The following FHDC1 variants were observed in gnomAD, a reference collection of about 807,000 sequenced individuals.
The protein encoded by FHDC1 is FH2 domain containing 1, also known as FH2 domain-containing protein 1.
In FHDC1, 25 loss-of-function variants were observed where a neutral mutation model predicts 52.6. The observed-to-expected ratio is 0.48, with a 90% CI of 0.35 to 0.66. The LOEUF (loss-of-function observed/expected upper bound fraction) is 0.66, where lower values mean the gene tolerates loss of function less well. Among genes scored for constraint, FHDC1 ranks in the 30% least tolerant of loss-of-function variants. The pLI, the probability that FHDC1 is intolerant of heterozygous loss-of-function variation, is 0.01. For missense variants in FHDC1, 1,459 were observed against 1,452.8 expected (o/e 1.00, Z -0.07); for synonymous variants, 616 against 581.5 (o/e 1.06, Z -0.85).
At chr4:152,937,237 G>A (rs1317217222) in intron 1 of FHDC1, among the ~76,000 whole-genome samples, 1 of 152,194 alleles carries the variant, frequency 6.6e-6, no homozygotes, top group Non-Finnish European at 1.5e-5. Context: ...CGACCTGGAT[G>A]GGGGACGTGG....
At chr4:152,967,711 C>T (rs116310994) in intron 9 of FHDC1, among the ~76,000 whole-genome samples, 148 of 152,254 alleles carry the variant, frequency 9.7e-4, no homozygotes, top group African/African-American at 3.2e-3. Flanking sequence ...TTTATGAAAA[C>T]GTTTGCAGAT....
chr4:152,962,941 GT>G lies in FHDC1; in HGVS notation c.921+58del, dbSNP rs1309079728. ...TGTTTTCAACCTTGTCTATCTAAAGGTGTGTGTGTGTGTGTGTGTGTGTGTG... is the reference window on the plus strand; with the variant it reads ...TGTTTTCAACCTTGTCTATCTAAAGGGTGTGTGTGTGTGTGTGTGTGTGTG... On this transcript the variant is annotated intron_variant, in intron 7 of 11. Transcript: ENST00000511601. The G allele has an allele frequency of 6.7e-5, 34 of 510,810 alleles. No homozygotes were observed. In the Middle Eastern group the frequency reaches 4.4e-3, roughly 66 times the overall value. The allele number at this position is 510,810 out of a possible 1,614,324, so 31.6% of individuals were successfully genotyped here.
intron 1 of FHDC1, among the ~76,000 whole-genome samples, chr4:152,942,395 C>A (rs1410375297): frequency 1.3e-5 from 2 of 152,106 alleles, no homozygotes; most frequent in Admixed American, 6.6e-5. Flanking sequence ...ATATGGTGGC[C>A]CTGATTCCAG....
At position 152,942,955 on chromosome 4, in the gene FHDC1, T is replaced by C; in HGVS notation, c.-103T>C. ...TTGGAAGAGGACAGTTGCCCTTTATTCTGGCGGCAGATAGCAGCAGGTGAA... is the reference window on the plus strand; with the variant it reads ...TTGGAAGAGGACAGTTGCCCTTTATCCTGGCGGCAGATAGCAGCAGGTGAA... On this transcript the variant is annotated 5_prime_UTR_variant, in exon 2 of 12. Transcript: ENST00000511601. The C allele has an allele frequency of 7.7e-7, 1 of 1,303,250 alleles. No homozygotes were observed. Among genetic ancestry groups the C allele is most frequent in the South Asian group, 1.4e-5 (1 of 69,486 alleles). 80.7% of individuals were successfully genotyped at this position (1,303,250 alleles called of 1,614,324 possible).
chr4:152,964,244 A>G (rs1740386379), intron 8 of FHDC1, among the ~76,000 whole-genome samples: 1 of 152,208 alleles, frequency 6.6e-6, no homozygotes, highest in South Asian at 2.1e-4. Context: ...TTATTACTAT[A>G]TTCTTCAGAA....
chr4:152,949,154 G>GAA (rs757459887), intron 2 of FHDC1, among the ~76,000 whole-genome samples: 6 of 150,284 alleles, frequency 4.0e-5, no homozygotes, highest in African/African-American at 1.2e-4. Flanking sequence ...AGAAGAAGAA[G>GAA]AAGAAGAAGA....
chr4:152,953,111 G>A (rs976380511), intron 2 of FHDC1, among the ~76,000 whole-genome samples: 2 of 151,898 alleles, frequency 1.3e-5, no homozygotes, highest in South Asian at 4.2e-4. Flanking sequence ...TCCAGCCTGG[G>A]CAACGGAGCG....
Position 152,943,427 on chromosome 4 carries a change from G to A in FHDC1, c.370G>A (p.Glu124Lys). 1 of 1,614,142 alleles carries A rather than the reference G, an allele frequency of 6.2e-7. No individual in the cohort carries two copies. Among genetic ancestry groups the A allele is most frequent in the South Asian group, 1.1e-5 (1 of 91,072 alleles). Residue 124 changes from glutamate (E) to lysine (K), a missense_variant, in exon 2 of 12, where the codon GAA becomes AAA. This residue lies in a region of FHDC1 where 513 missense variants were observed against 581.5 expected (regional missense o/e 0.88). Coordinates refer to ENST00000511601, the MANE Select transcript of FHDC1 (RefSeq NM_001371116.1). Reference sequence around the variant, plus strand: ...CATCTGGACCTTGGCAGCCAGGCAGGAACATCACTACCAAATTGATACAAA... The same window carrying A: ...CATCTGGACCTTGGCAGCCAGGCAGAAACATCACTACCAAATTGATACAAA... ...TNIWTLAARQEHHYQIDTKTI... is the reference protein window; with the variant it reads ...TNIWTLAARQKHHYQIDTKTI...
the FHDC1 span, among the ~76,000 whole-genome samples, chr4:152,919,432 T>C: frequency 6.6e-6 from 1 of 152,244 alleles, no homozygotes; most frequent in Non-Finnish European, 1.5e-5. Context: ...TGTGTGTTTG[T>C]TGGGTGGGGA....
intron 6 of FHDC1, 131 bp downstream of exon 6, chr4:152,960,975 G>A: frequency 1.7e-6 from 1 of 592,972 alleles, no homozygotes; most frequent in South Asian, 2.7e-5. Flanking sequence ...GAAATGAGAT[G>A]TTACTAGGGA....
intron 1 of FHDC1, among the ~76,000 whole-genome samples, chr4:152,938,620 C>T (rs1739476137): frequency 6.6e-6 from 1 of 152,190 alleles, no homozygotes; most frequent in Non-Finnish European, 1.5e-5. Flanking sequence ...GTTTCTCTAC[C>T]TCTGCTCTCC....
At chr4:152,957,520 C>A (rs913635446) in intron 4 of FHDC1, among the ~76,000 whole-genome samples, 2 of 152,212 alleles carry the variant, frequency 1.3e-5, no homozygotes, top group Non-Finnish European at 2.9e-5. Context: ...CAGTGTGGTT[C>A]TGCTGCACTC....
At chr4:152,947,515 T>A (rs1739771064) in intron 2 of FHDC1, among the ~76,000 whole-genome samples, 1 of 152,078 alleles carries the variant, frequency 6.6e-6, no homozygotes, top group Admixed American at 6.6e-5. Flanking sequence ...CTTCCACCAG[T>A]GTTAGCTGAG....
chr4:152,930,997 A>ACACACACACACACACTCTCT, the FHDC1 span, among the ~76,000 whole-genome samples: 1 of 113,146 alleles, frequency 8.8e-6, no homozygotes, highest in African/African-American at 3.4e-5. Flanking sequence ...ACACACACAC[A>ACACACACACACACACTCTCT]CTCTCTCTCT....
intron 1 of FHDC1, among the ~76,000 whole-genome samples, chr4:152,939,483 G>C (rs945984441): frequency 5.9e-5 from 9 of 152,122 alleles, no homozygotes; most frequent in African/African-American, 2.2e-4. Flanking sequence ...AAAGTACAGC[G>C]GGCTGTTTAG....
In FHDC1 at chr4:152,977,876, T is replaced by C. The variant is rs545513139; in HGVS notation, c.*1153T>C. ...CCCATAAGCCTTGGGTATCCTGTGA[T>C]GGGCTGTGTCTCCCTGAAGATTGTC... On this transcript the variant is annotated 3_prime_UTR_variant, in exon 12 of 12. Transcript: ENST00000511601. 2 of 152,400 alleles carry C rather than the reference T, an allele frequency of 1.3e-5. No individual in the cohort carries two copies. Among genetic ancestry groups the C allele is most frequent in the East Asian group, 3.9e-4 (2 of 5,184 alleles). The allele number at this position is 152,400 out of a possible 1,614,324, so 9.4% of individuals were successfully genotyped here.
intron 4 of FHDC1, among the ~76,000 whole-genome samples, chr4:152,959,940 A>AGC (rs1249030139): frequency 1.5e-4 from 14 of 95,100 alleles, no homozygotes; most frequent in African/African-American, 5.8e-4. Flanking sequence ...GGGCAATCTT[A>AGC]ACGTCCCGTT....
At chr4:152,963,738 G>C (rs184805141) in intron 8 of FHDC1, among the ~76,000 whole-genome samples, 1 of 142,894 alleles carries the variant, frequency 7.0e-6, no homozygotes, top group African/African-American at 2.6e-5. Context: ...TGCTAGCACA[G>C]GGTTTGGAGT....
the FHDC1 span, among the ~76,000 whole-genome samples, chr4:152,921,701 A>T: frequency 6.6e-6 from 1 of 151,688 alleles, no homozygotes. Context: ...CTTATTTATC[A>T]AATTTTGCAC....
Sources: gnomAD v4.1 joint callset for allele counts (sites outside exome capture counted in the v4.1 genomes callset) on GRCh38, gnomAD v4.1.1 for gene constraint, gnomAD v4.1.1 regional missense constraint, MANE v1.5 for transcripts, NCBI Gene and HGNC (gene_info 2026-07-23, HGNC 2026-07-21) for gene names.